The following KLB variants were observed in gnomAD, a reference collection of about 807,000 sequenced individuals.
KLB encodes the protein beta-klotho.
KLB carries 44 observed loss-of-function variants against 88.4 expected under a neutral mutation model. The observed-to-expected ratio is 0.50, with a 90% CI of 0.39 to 0.64. The LOEUF (loss-of-function observed/expected upper bound fraction) is 0.64, where lower values mean the gene tolerates loss of function less well. Ranked by LOEUF, KLB falls within the 30% of genes least tolerant of loss-of-function variation. KLB has a pLI of 0.00. For synonymous variants in KLB, 548 were observed against 513.4 expected, an observed-to-expected ratio of 1.07 and a Z score of -0.91; for missense variants, 1,137 against 1,304.8, an observed-to-expected ratio of 0.87 and a Z score of 1.98.
chr4:39,446,074 C>G lies in KLB; in HGVS notation c.1606-258C>G, dbSNP rs1743738546. On this transcript the variant is annotated intron_variant, in intron 3 of 4. Transcript: ENST00000257408. The surrounding 1 kb of genome is among the most constrained non-coding windows in gnomAD (Gnocchi z 6.4). ...TTGAACAGAATCACTTCAAACCCCA[C>G]CATATATAACCTAGGGTTTAAAGTT... Among the ~76,000 whole-genome samples, 1 of 152,162 alleles carries G rather than the reference C, an allele frequency of 6.6e-6. No homozygotes were observed. The highest frequency in any genetic ancestry group is 1.5e-5 in the Non-Finnish European group (1 of 68,034).
In KLB at chr4:39,448,927, T is replaced by C. The variant is rs2109848355; in HGVS notation, c.*241T>C. 2.3e-6 allele frequency: 1 copy of C among 435,284 alleles called. No individual in the cohort carries two copies. Among genetic ancestry groups the C allele is most frequent in the Non-Finnish European group, 4.1e-6 (1 of 245,468 alleles). The allele number at this position is 435,284 out of a possible 1,614,324, so 27.0% of individuals were successfully genotyped here. A position where few individuals can be genotyped will look rare whatever the true frequency, so the allele number is the denominator to read the frequency against. On this transcript the variant is annotated 3_prime_UTR_variant, in exon 5 of 5. Transcript: ENST00000257408. ...CTGACAGTAAGCTATGAGGATTACA[T>C]GCTACATTGCTTCTTAAAGTTTCAT... is the stretch of plus-strand genomic sequence containing the variant.
At chr4:39,435,158 C>T (rs1470490883) in intron 2 of KLB, among the ~76,000 whole-genome samples, 1 of 151,222 alleles carries the variant, frequency 6.6e-6, no homozygotes, top group Non-Finnish European at 1.5e-5. Flanking sequence ...CACTCTGTGG[C>T]CCAGGCTGGA....
rs28498899 is a variant in KLB at position 39,449,945 on chromosome 4, A to T, written c.*1259A>T. The T allele has an allele frequency of 1.0e-5, 1 of 95,794 alleles. No individual in the cohort carries two copies. Among genetic ancestry groups the T allele is most frequent in the Admixed American group, 9.6e-5 (1 of 10,464 alleles). 5.9% of individuals were successfully genotyped at this position (95,794 alleles called of 1,614,324 possible). On this transcript the variant is annotated 3_prime_UTR_variant, in exon 5 of 5. Transcript: ENST00000257408. The stretch of plus-strand genomic sequence containing the variant: ...CTCTCAAAATAAAAAAAAATAATAA[A>T]AATAAAAATAAAAGTAATTTCCAAA...
At chr4:39,422,165 A>G (rs1359567521) in intron 1 of KLB, among the ~76,000 whole-genome samples, 1 of 152,130 alleles carries the variant, frequency 6.6e-6, no homozygotes, top group Non-Finnish European at 1.5e-5. Context: ...TACGGTGTAA[A>G]AGTGTATTTC....
Position 39,407,093 on chromosome 4 carries a change from A to G in KLB, c.144A>G (p.Arg48=), listed in dbSNP as rs1451833369. 6.2e-7 allele frequency: 1 copy of G among 1,614,150 alleles called. No individual in the cohort carries two copies. The highest frequency in any genetic ancestry group is 2.2e-5 in the East Asian group (1 of 44,892). The part of the protein sequence containing the change: ...SVILSALILL[R]AVTGFSGDGR... ...TCCTGTCAGCACTTATTCTGCTACG[A>G]GCTGTTACTGGATTCTCTGGAGATG... Residue 48 remains arginine, a synonymous_variant, in exon 1 of 5, where the codon CGA becomes CGG. Coordinates refer to ENST00000257408, the MANE Select transcript of KLB (RefSeq NM_175737.4).
intron 1 of KLB, among the ~76,000 whole-genome samples, chr4:39,430,593 ATTTTTT>A (rs373054180): frequency 3.4e-5 from 3 of 87,672 alleles, no homozygotes; most frequent in Non-Finnish European, 4.5e-5. Flanking sequence ...CTGAGAGGAA[ATTTTTT>A]TTTTTTTTTT....
At chr4:39,411,336 G>GTTTTT (rs58256883) in intron 1 of KLB, among the ~76,000 whole-genome samples, 1 of 50,164 alleles carries the variant, frequency 2.0e-5, no homozygotes, top group Admixed American at 2.7e-4. Flanking sequence ...GTTTTGTTTT[G>GTTTTT]ATTTTTTTTT....
At chr4:39,420,649 C>T (rs1000575492) in intron 1 of KLB, among the ~76,000 whole-genome samples, 11 of 151,952 alleles carry the variant, frequency 7.2e-5, no homozygotes, top group African/African-American at 1.2e-4. Context: ...CTCAGCCTCC[C>T]GAGTAGCTGG....
intron 1 of KLB, among the ~76,000 whole-genome samples, chr4:39,422,149 C>T (rs1006661346): frequency 2.0e-5 from 3 of 152,090 alleles, no homozygotes; most frequent in Non-Finnish European, 2.9e-5. Context: ...CAATCACCTT[C>T]GGGTCTACGG....
At chr4:39,425,583 G>C (rs973412245) in intron 1 of KLB, among the ~76,000 whole-genome samples, 4 of 152,142 alleles carry the variant, frequency 2.6e-5, no homozygotes, top group Admixed American at 1.3e-4. Context: ...TGGGACTACA[G>C]GCACATGCCA....
At chr4:39,443,593 A>C (rs1743663139) in intron 3 of KLB, among the ~76,000 whole-genome samples, 1 of 77,206 alleles carries the variant, frequency 1.3e-5, no homozygotes, top group Admixed American at 1.1e-4. Context: ...CTGTCTCTAC[A>C]AAAAAAAAAA....
chr4:39,427,812 C>T (rs1460256477), intron 1 of KLB, among the ~76,000 whole-genome samples: 3 of 152,092 alleles, frequency 2.0e-5, no homozygotes, highest in African/African-American at 4.8e-5. Context: ...CCTCATTTGA[C>T]GTTCACGAAA....
At position 39,446,946 on chromosome 4, in the gene KLB, G is replaced by T; in HGVS notation, c.2220G>T (p.Leu740=). Residue 740 remains leucine (L), a synonymous_variant, in exon 4 of 5, where the codon CTG becomes CTT. Transcript: ENST00000257408. The surrounding 1 kb of genome is among the most constrained non-coding windows in gnomAD (Gnocchi z 6.4). The stretch of plus-strand genomic sequence containing the variant: ...CCTCACAGCGCGGGGCCGTGTCGCT[G>T]TCGCTGCACGCGGACTGGGCGGAAC... ...FRPSQRGAVS[L]SLHADWAEPA... 6.2e-7 allele frequency: 1 copy of T among 1,605,358 alleles called. No homozygotes were observed. The highest frequency in any genetic ancestry group is 1.7e-4 in the Middle Eastern group (1 of 6,056).
At chr4:39,439,013 T>G (rs1743538610) in intron 3 of KLB, among the ~76,000 whole-genome samples, 1 of 151,832 alleles carries the variant, frequency 6.6e-6, no homozygotes, top group Admixed American at 6.6e-5. Flanking sequence ...CTTTTTTTTT[T>G]TTTTTTTGAG....
chr4:39,450,924 G>A lies in KLB; in HGVS notation c.*2238G>A, dbSNP rs1743879608. On this transcript the variant is annotated 3_prime_UTR_variant, in exon 5 of 5. Transcript: ENST00000257408. The stretch of plus-strand genomic sequence containing the variant: ...ACCTGGAATTTATCTTTCAGGTTTT[G>A]CTTTCTCTTTCTCACTTTGTTTAAA... 6.7e-6 allele frequency: 1 copy of A among 150,244 alleles called. No homozygotes were observed. Among genetic ancestry groups the A allele is most frequent in the African/African-American group, 2.4e-5 (1 of 40,886 alleles). The allele number at this position is 150,244 out of a possible 1,614,324, so 9.3% of individuals were successfully genotyped here.
At position 39,446,502 on chromosome 4, in the gene KLB, GA is replaced by G; in HGVS notation, c.1779del (p.Val594SerfsTer22). On this transcript the variant is annotated frameshift_variant, in exon 4 of 5. Transcript: ENST00000257408. LOFTEE classifies it high-confidence loss of function. The surrounding 1 kb of genome is among the most constrained non-coding windows in gnomAD (Gnocchi z 6.4). ...AACAACTTGAGATGTTGGCAAGAAT[GA>G]AAGTCACCCACTACCGGTTTGCTCT... ...KKQLEMLARM[K>X]VTHYRFALDW... is the part of the protein sequence containing the mutation. 3 of 1,614,238 alleles carry G rather than the reference GA, an allele frequency of 1.9e-6. No homozygotes were observed. Among genetic ancestry groups the G allele is most frequent in the Non-Finnish European group, 2.5e-6 (3 of 1,180,044 alleles).
chr4:39,407,813 C>T (rs1172403865), intron 1 of KLB, 39 bp downstream of exon 1: 1 of 1,205,516 alleles, frequency 8.3e-7, no homozygotes, highest in Non-Finnish European at 1.1e-6. Context: ...CTTCAGAAAA[C>T]ACTAAGAATT....
At chr4:39,438,876 G>A (rs552797288) in intron 3 of KLB, among the ~76,000 whole-genome samples, 3 of 60,430 alleles carry the variant, frequency 5.0e-5, no homozygotes, top group East Asian at 5.5e-4. Flanking sequence ...TTCATTTTAC[G>A]GGGGGAGGAA....
rs763639126 is a variant in KLB, at chr4:39,447,455, A to T, written c.2729A>T (p.Tyr910Phe). The T allele has an allele frequency of 3.8e-6, 6 of 1,591,404 alleles. No homozygotes were observed. The African/African-American group carries it at 8.0e-5, about 21-fold the overall frequency. Residue 910 changes from tyrosine to phenylalanine, a missense_variant, in exon 4 of 5, where the codon TAC (tyrosine) becomes TTC (phenylalanine). Physicochemically the swap from Tyr to Phe is conservative, Grantham distance 22. Transcript: ENST00000257408. ...DRLRKYYLGK[Y>F]LQEVLKAYLI... is the part of the protein sequence containing the mutation. ...CTCCGGAAGTACTACCTAGGGAAGT[A>T]CCTTCAGGAGGTGCTGAAAGGTAAG...
Sources: allele counts gnomAD v4.1 joint callset (sites outside exome capture counted in the v4.1 genomes callset), GRCh38; gene constraint gnomAD v4.1.1; non-coding constraint Gnocchi (gnomAD v3.1); transcripts MANE v1.5; gene names NCBI Gene and HGNC (gene_info 2026-07-23, HGNC 2026-07-21).